The following HEATR3 variants were observed in gnomAD, a reference collection of about 807,000 sequenced individuals.
HEATR3 encodes HEAT repeat-containing protein 3.
Under a neutral mutation model 72.8 loss-of-function variants are expected in HEATR3, and 56 were observed. The ratio of observed to expected loss-of-function variants is 0.77; its 90% confidence interval spans 0.62 to 0.96. The LOEUF (loss-of-function observed/expected upper bound fraction) is 0.96. Among genes scored for constraint, HEATR3 ranks in the 40% least tolerant of loss-of-function variants. The pLI is 0.00. For synonymous variants in HEATR3, 331 were observed against 318.1 expected (o/e 1.04, Z -0.43); for missense variants, 747 against 831.4 (o/e 0.90, Z 1.25).
rs1409765596 is a variant in HEATR3 at position 50,086,371 on chromosome 16, A to G, written c.1510+20A>G. ...AACCAGGTATTTAGACTTTATTGCGAAAGACTACGCAGACGGAACAGAATT... is the reference window on the plus strand; with the variant it reads ...AACCAGGTATTTAGACTTTATTGCGGAAGACTACGCAGACGGAACAGAATT... On this transcript the variant is annotated intron_variant, in intron 11 of 14. Coordinates refer to ENST00000299192, the MANE Select transcript of HEATR3 (RefSeq NM_182922.4). The G allele has an allele frequency of 2.5e-6, 4 of 1,600,746 alleles. No homozygotes were observed. In the South Asian group the frequency reaches 4.5e-5, roughly 18 times the overall value.
chr16:50,090,030 G>T (rs2037074121), intron 11 of HEATR3, among the ~76,000 whole-genome samples: 2 of 152,086 alleles, frequency 1.3e-5, no homozygotes, highest in South Asian at 4.2e-4. Context: ...AATCCTATGG[G>T]TTCTATATGG....
intron 11 of HEATR3, among the ~76,000 whole-genome samples, chr16:50,087,985 G>T (rs1195386692): frequency 6.6e-6 from 1 of 152,090 alleles, no homozygotes; most frequent in Non-Finnish European, 1.5e-5. Flanking sequence ...AAATTAGCCA[G>T]GCGTGGTGGC....
chr16:50,072,817 C>A, intron 5 of HEATR3, 103 bp downstream of exon 5: 1 of 736,200 alleles, frequency 1.4e-6, no homozygotes, highest in Admixed American at 2.3e-5. Context: ...TTTTTTGTTT[C>A]GTTGTATGTG....
chr16:50,066,965 C>T lies in HEATR3; in HGVS notation c.311+426C>T, dbSNP rs80053867. ...CAAGTCATGTTGATGGGGAGACAGA[C>T]AGGAAGCTAGTAAAAAGGTAAAACA... On this transcript the variant is annotated intron_variant, in intron 2 of 14. Transcript: ENST00000299192. 853 of 175,020 alleles carry T rather than the reference C, an allele frequency of 4.9e-3. 8 individuals carry two copies. Among genetic ancestry groups the T allele is most frequent in the African/African-American group, 0.019 (819 of 42,532 alleles). The allele number at this position is 175,020 out of a possible 1,614,324, so 10.8% of individuals were successfully genotyped here. A position where few individuals can be genotyped will look rare whatever the true frequency, so the allele number is the denominator to read the frequency against.
In HEATR3 at chr16:50,079,017, C is replaced by A; in HGVS notation, c.1040C>A (p.Pro347Gln). The change falls in exon 7 of 15, where the codon CCG becomes CAG. Residue 347 changes from proline to glutamine, a missense_variant and splice_region_variant. This residue lies in a region of HEATR3 where 586 missense variants were observed against 708.8 expected (regional missense o/e 0.83). Coordinates refer to ENST00000299192, the MANE Select transcript of HEATR3 (RefSeq NM_182922.4). ...AAAACTTTCGTTTCAGATTTACTTC[C>A]GGTAAGTCAGGTTGCTGTTCTCAAA... Reference protein sequence around the residue: ...RRKTFVSDLLPPTDKELRETI... With the variant: ...RRKTFVSDLLQPTDKELRETI... The A allele has an allele frequency of 6.2e-7, 1 of 1,609,730 alleles. No individual in the cohort carries two copies.
Position 50,105,219 on chromosome 16 carries a change from C to G in HEATR3, c.*158C>G. On this transcript the variant is annotated 3_prime_UTR_variant, in exon 15 of 15. Coordinates refer to ENST00000299192, the MANE Select transcript of HEATR3 (RefSeq NM_182922.4). ...CAAAACCTGGCCAGGCATGGTGGCT[C>G]ACGCCTATAATCCCAGCACCTTGGG... 1 of 750,004 alleles carries G rather than the reference C, an allele frequency of 1.3e-6. No homozygotes were observed. Among genetic ancestry groups the G allele is most frequent in the Non-Finnish European group, 2.1e-6 (1 of 478,442 alleles). 46.5% of individuals were successfully genotyped at this position (750,004 alleles called of 1,614,324 possible).
intron 11 of HEATR3, among the ~76,000 whole-genome samples, chr16:50,090,433 A>G (rs1354717788): frequency 6.6e-6 from 1 of 152,174 alleles, no homozygotes; most frequent in African/African-American, 2.4e-5. Context: ...TGAGAGTTAA[A>G]GGTATGATTG....
intron 1 of HEATR3, 36 bp downstream of exon 1, chr16:50,066,305 C>A: frequency 9.6e-6 from 15 of 1,569,898 alleles, no homozygotes; most frequent in Non-Finnish European, 1.2e-5. Context: ...GGAGGCGAGA[C>A]GAGGTTGCCC....
In HEATR3 at chr16:50,090,267, T is replaced by C. The variant is rs186068165; in HGVS notation, c.1510+3916T>C. Among the ~76,000 whole-genome samples, 10 of 152,172 alleles carry C rather than the reference T, an allele frequency of 6.6e-5. No individual in the cohort carries two copies. In the East Asian group the frequency reaches 1.9e-3, roughly 29 times the overall value. On this transcript the variant is annotated intron_variant, in intron 11 of 14. Coordinates refer to ENST00000299192, the MANE Select transcript of HEATR3 (RefSeq NM_182922.4). Reference sequence around the variant, plus strand: ...TCCCAAGGAAGCTGAAGTGGGAGGATTGCTTGAGCCCAGGAGGTCAAGGCT... The same window carrying C: ...TCCCAAGGAAGCTGAAGTGGGAGGACTGCTTGAGCCCAGGAGGTCAAGGCT...
At chr16:50,069,382 A>C (rs909582579) in intron 3 of HEATR3, 2 of 154,816 alleles carry the variant, frequency 1.3e-5, no homozygotes, top group Non-Finnish European at 2.9e-5. Flanking sequence ...CTGGTCCTCT[A>C]TTCTGTACTG....
At chr16:50,100,033 G>A (rs964723070) in intron 12 of HEATR3, among the ~76,000 whole-genome samples, 197 bp from the exon 13 acceptor site, 3 of 152,126 alleles carry the variant, frequency 2.0e-5, no homozygotes, top group Non-Finnish European at 4.4e-5. Flanking sequence ...CATGAGCAGG[G>A]TTCACCTTAG....
At chr16:50,072,113 T>C (rs1257452711) in intron 4 of HEATR3, among the ~76,000 whole-genome samples, 2 of 152,184 alleles carry the variant, frequency 1.3e-5, no homozygotes, top group Non-Finnish European at 2.9e-5. Flanking sequence ...AAATTTGTGT[T>C]TTTGTGTGAT....
intron 12 of HEATR3, among the ~76,000 whole-genome samples, chr16:50,095,384 G>T (rs1446870014): frequency 3.4e-5 from 5 of 149,008 alleles, no homozygotes; most frequent in African/African-American, 1.2e-4. Flanking sequence ...TGGGATGACA[G>T]GCGTGAACCA....
At chr16:50,082,782 AT>A (rs1209402453) in intron 7 of HEATR3, among the ~76,000 whole-genome samples, 3 of 149,570 alleles carry the variant, frequency 2.0e-5, no homozygotes, top group Non-Finnish European at 3.0e-5. Context: ...AAGCAGGTAA[AT>A]TTTTTTTCTT....
At chr16:50,078,691 G>A (rs1238613523) in intron 6 of HEATR3, 50 bp from the exon 7 acceptor site, 1 of 1,545,976 alleles carries the variant, frequency 6.5e-7, no homozygotes, top group Non-Finnish European at 8.7e-7. Flanking sequence ...CTTAAACTTA[G>A]TAAAATATTT....
Position 50,086,314 on chromosome 16 carries a change from T to G in HEATR3, c.1473T>G (p.Leu491=), listed in dbSNP as rs2036986918. The change falls in exon 11 of 15, where the codon CTT becomes CTG. Residue 491 remains leucine (L), a synonymous_variant. Coordinates refer to ENST00000299192, the MANE Select transcript of HEATR3 (RefSeq NM_182922.4). The part of the protein sequence containing the change: ...HLGGAAALQT[L]AQHLSQLLFS... ...GAGGAGCCGCAGCCCTTCAGACGCT[T>G]GCACAGCATCTGTCACAGCTGCTTT... The G allele has an allele frequency of 6.3e-7, 1 of 1,597,582 alleles. No homozygotes were observed. Among genetic ancestry groups the G allele is most frequent in the African/African-American group, 1.3e-5 (1 of 74,716 alleles).
At chr16:50,094,406 A>G (rs2037184921) in intron 11 of HEATR3, among the ~76,000 whole-genome samples, 1 of 152,226 alleles carries the variant, frequency 6.6e-6, no homozygotes. Context: ...GCTTAGGTTT[A>G]TTATGTGCTG....
In HEATR3 at chr16:50,105,270, G is replaced by C. The variant is rs1344026704; in HGVS notation, c.*209G>C. The C allele has an allele frequency of 2.2e-6, 1 of 452,590 alleles. No homozygotes were observed. The highest frequency in any genetic ancestry group is 3.9e-6 in the Non-Finnish European group (1 of 256,920). The allele number at this position is 452,590 out of a possible 1,614,324, so 28.0% of individuals were successfully genotyped here. ...AGACCGAGGCGGGTGGATCACTTGA[G>C]GTCAGGAGTTTGAGGCCAGCCTGGC... On this transcript the variant is annotated 3_prime_UTR_variant, in exon 15 of 15. Transcript: ENST00000299192.
chr16:50,102,472 A>ATAAAT (rs1466595908), intron 14 of HEATR3, 37 bp downstream of exon 14: 37 of 1,591,120 alleles, frequency 2.3e-5, no homozygotes, highest in Non-Finnish European at 3.1e-5. Flanking sequence ...CATAAGTCTG[A>ATAAAT]ACATTCTGTG....
Sources: gnomAD v4.1 joint callset for allele counts (sites outside exome capture counted in the v4.1 genomes callset) on GRCh38, gnomAD v4.1.1 for gene constraint, gnomAD v4.1.1 regional missense constraint, MANE v1.5 for transcripts, NCBI Gene and HGNC (gene_info 2026-07-23, HGNC 2026-07-21) for gene names.